Variants in CAPN9 observed in about 807,000 individuals in gnomAD.
CAPN9 encodes calpain 9, also known as calpain-9.
In CAPN9, 81 loss-of-function variants were observed where a neutral mutation model predicts 92.8. The ratio of observed to expected loss-of-function variants is 0.87; its 90% CI spans 0.73 to 1.05. CAPN9 has a LOEUF of 1.05. Ranked by LOEUF, CAPN9 falls within the 50% of genes least tolerant of loss-of-function variation. CAPN9 has a pLI of 0.00. For missense variants in CAPN9, 848 were observed against 866.2 expected, an observed-to-expected ratio of 0.98 and a Z score of 0.26; for synonymous variants, 304 against 328.0, an observed-to-expected ratio of 0.93 and a Z score of 0.79.
chr1:230,752,080 AC>A (rs1289446542), intron 1 of CAPN9, among the ~76,000 whole-genome samples: 2 of 152,146 alleles, frequency 1.3e-5, no homozygotes, highest in Admixed American at 1.3e-4. Context: ...CAGGACACTC[AC>A]ACGTAGACAA....
At chr1:230,786,529 A>G (rs1667598159) in intron 12 of CAPN9, among the ~76,000 whole-genome samples, 1 of 152,232 alleles carries the variant, frequency 6.6e-6, no homozygotes, top group Admixed American at 6.5e-5. Flanking sequence ...TGCTAGGCAG[A>G]GGTAGAAGTA....
chr1:230,767,413 C>A, intron 4 of CAPN9, 128 bp from the exon 5 acceptor site: 1 of 722,304 alleles, frequency 1.4e-6, no homozygotes, highest in East Asian at 2.7e-5. Context: ...GTCTTCCTTC[C>A]ACACCACCCA....
chr1:230,769,345 CAGTTTAA>C, intron 6 of CAPN9, 82 bp downstream of exon 6: 1 of 1,013,956 alleles, frequency 9.9e-7, no homozygotes, highest in South Asian at 1.4e-5. Context: ...CAGTGCATTG[CAGTTTAA>C]ATGTCTGCCT....
chr1:230,789,385 A>C (rs1381867505), intron 13 of CAPN9, among the ~76,000 whole-genome samples: 1 of 144,454 alleles, frequency 6.9e-6, no homozygotes, highest in East Asian at 2.3e-4. Context: ...AGGTAGGAGG[A>C]TTGCTTGAGC....
intron 1 of CAPN9, among the ~76,000 whole-genome samples, chr1:230,750,195 C>G (rs1358593137): frequency 6.6e-6 from 1 of 152,180 alleles, no homozygotes; most frequent in African/African-American, 2.4e-5. Flanking sequence ...CAAGCCCCTG[C>G]CAAGATGCAC....
chr1:230,797,507 C>T (rs1306402446), intron 18 of CAPN9, among the ~76,000 whole-genome samples: 1 of 152,200 alleles, frequency 6.6e-6, no homozygotes. Flanking sequence ...GTTGTTGGGT[C>T]TCTTCCATTT....
At chr1:230,767,337 C>A (rs28359643) in intron 4 of CAPN9, among the ~76,000 whole-genome samples, 2 of 152,252 alleles carry the variant, frequency 1.3e-5, no homozygotes, top group South Asian at 4.1e-4. Context: ...CACTGCCTCC[C>A]TTGCAGGAAG....
intron 7 of CAPN9, among the ~76,000 whole-genome samples, chr1:230,773,948 A>G (rs1229774457): frequency 6.6e-6 from 1 of 152,200 alleles, no homozygotes; most frequent in African/African-American, 2.4e-5. Context: ...GGAGAGTGAC[A>G]GGCAGCCATT....
At position 230,780,542 on chromosome 1, in the gene CAPN9, T is replaced by C. The variant is rs1176452892; in HGVS notation, c.1315T>C (p.Tyr439His). The C allele has an allele frequency of 7.4e-6, 12 of 1,614,022 alleles. No homozygotes were observed. The highest frequency in any genetic ancestry group is 4.5e-5 in the East Asian group (2 of 44,896). ...DEHLNKDFFR[Y>H]HASRARSKTF... Reference sequence around the variant, plus strand: ...ACACCTGAACAAAGACTTCTTCAGATACCACGCTTCTCGGGCCAGAAGCAA... The same window carrying C: ...ACACCTGAACAAAGACTTCTTCAGACACCACGCTTCTCGGGCCAGAAGCAA... The change falls in exon 11 of 20, where the codon TAC becomes CAC. Residue 439 changes from tyrosine (Y) to histidine (H), a missense_variant. Tyr to His is a moderately conservative substitution (Grantham distance 83). Transcript: ENST00000271971.
intron 11 of CAPN9, among the ~76,000 whole-genome samples, chr1:230,784,343 A>T (rs1312224626): frequency 6.6e-6 from 1 of 152,206 alleles, no homozygotes; most frequent in East Asian, 1.9e-4. Flanking sequence ...TATAACCAAG[A>T]CAATGGGGAA....
intron 1 of CAPN9, among the ~76,000 whole-genome samples, chr1:230,751,506 AGAAG>A (rs2102824546): frequency 6.6e-6 from 1 of 150,690 alleles, no homozygotes; most frequent in East Asian, 1.9e-4. Flanking sequence ...AAGGAAGGAA[AGAAG>A]GAAGGAAGGA....
intron 19 of CAPN9, among the ~76,000 whole-genome samples, chr1:230,799,950 G>T (rs1479835574): frequency 1.3e-5 from 2 of 151,652 alleles, no homozygotes; most frequent in African/African-American, 4.8e-5. Context: ...AGGCTGAGGC[G>T]GGTGAATCAC....
chr1:230,762,576 G>A lies in CAPN9; in HGVS notation c.403-77G>A, dbSNP rs1410848811. On this transcript the variant is annotated intron_variant, in intron 3 of 19. Coordinates refer to ENST00000271971, the MANE Select transcript of CAPN9 (RefSeq NM_006615.3). ...TGGTCAGAGGGGAAAAAAGCAACAG[G>A]ATCAACATTTACAAACAGGGCCTGG... The A allele has an allele frequency of 1.9e-6, 3 of 1,545,064 alleles. No individual in the cohort carries two copies. The Admixed American group carries it at 5.4e-5, about 28-fold the overall frequency.
rs1405600938 is a variant in CAPN9 at position 230,747,610 on chromosome 1, G to A, written c.114G>A (p.Gln38=). 6.2e-7 allele frequency: 1 copy of A among 1,613,970 alleles called. No homozygotes were observed. Among genetic ancestry groups the A allele is most frequent in the African/African-American group, 1.3e-5 (1 of 74,932 alleles). The change falls in exon 1 of 20, where the codon CAG becomes CAA. Residue 38 remains glutamine, a synonymous_variant. Transcript: ENST00000271971. ...SFEQMRQECL[Q]RGTLFEDADF... ...AGCAAATGAGGCAGGAGTGCCTGCA[G>A]AGAGGCACCCTGTTTGAGGATGCAG...
intron 4 of CAPN9, among the ~76,000 whole-genome samples, chr1:230,766,122 G>A (rs548168715): frequency 1.3e-5 from 2 of 152,048 alleles, no homozygotes; most frequent in East Asian, 3.9e-4. Flanking sequence ...TGGAGACAGG[G>A]TCTTGCTCTC....
chr1:230,790,224 T>A (rs549155797), intron 14 of CAPN9, 35 bp downstream of exon 14: 3 of 1,612,428 alleles, frequency 1.9e-6, no homozygotes, highest in Admixed American at 1.7e-5. Context: ...CTGGGGCACC[T>A]ATGGAGGGAC....
chr1:230,790,110 A>G, intron 13 of CAPN9, 22 bp from the exon 14 acceptor site: 2 of 1,599,076 alleles, frequency 1.3e-6, no homozygotes, highest in Non-Finnish European at 1.7e-6. Flanking sequence ...GCTATAACAA[A>G]CAATTGTCTC....
chr1:230,766,099 A>G (rs1461667010), intron 4 of CAPN9, among the ~76,000 whole-genome samples: 1 of 151,192 alleles, frequency 6.6e-6, no homozygotes, highest in East Asian at 1.9e-4. Flanking sequence ...TTTTATTATT[A>G]TTTACTTTTT....
Position 230,795,260 on chromosome 1 carries a change from C to T in CAPN9, c.1968C>T (p.Val656=), listed in dbSNP as rs1668272039. ...TCGATGACTTCCTCAACTGCCTGGTCCGGCTGGAGAATGCGAGCCGTAAGT... is the reference window on the plus strand; with the variant it reads ...TCGATGACTTCCTCAACTGCCTGGTTCGGCTGGAGAATGCGAGCCGTAAGT... ...LDFDDFLNCL[V]RLENASRVFQ... Residue 656 remains valine, a synonymous_variant, in exon 18 of 20, where the codon GTC becomes GTT. Transcript: ENST00000271971. 1.9e-6 allele frequency: 3 copies of T among 1,610,714 alleles called. No homozygotes were observed. The highest frequency in any genetic ancestry group is 2.5e-6 in the Non-Finnish European group (3 of 1,177,842).
Sources: allele counts gnomAD v4.1 joint callset (sites outside exome capture counted in the v4.1 genomes callset), GRCh38; gene constraint gnomAD v4.1.1; transcripts MANE v1.5; gene names NCBI Gene and HGNC (gene_info 2026-07-23, HGNC 2026-07-21).